RASGRP1: variants seen among roughly 807,000 people sequenced by gnomAD.
The protein encoded by RASGRP1 is RAS guanyl-releasing protein 1.
RASGRP1 carries 37 observed loss-of-function variants against 95.1 expected under a neutral mutation model. That is an observed-to-expected ratio of 0.39 (90% confidence interval 0.30 to 0.51). The LOEUF (loss-of-function observed/expected upper bound fraction) is 0.51. RASGRP1 is among the 20% of genes least tolerant of loss of function. The pLI is 0.80. For synonymous variants in RASGRP1, 325 were observed against 353.4 expected (o/e 0.92, Z 0.90); for missense variants, 711 against 965.4 (o/e 0.74, Z 3.49).
chr15:38,537,841 T>C (rs889633633), intron 2 of RASGRP1, among the ~76,000 whole-genome samples: 2 of 152,086 alleles, frequency 1.3e-5, no homozygotes, highest in Non-Finnish European at 2.9e-5. Context: ...ACAGAGGTGC[T>C]AGAGAGAAGT....
At chr15:38,499,247 C>T (rs555334898) in intron 14 of RASGRP1, 48 of 487,648 alleles carry the variant, frequency 9.8e-5, no homozygotes, top group East Asian at 3.6e-4. Context: ...GGAGACCCTC[C>T]GGAAACACTC....
Position 38,541,770 on chromosome 15 carries a change from T to C in RASGRP1, c.221-15366A>G, listed in dbSNP as rs138002826. On this transcript the variant is annotated intron_variant, in intron 2 of 16. Transcript: ENST00000310803. Reference sequence around the variant, plus strand: ...GAGCACTGTGATAGGTACTGTGGGATTGCAGATATAATAAGCACCCTGTCC... The same window carrying C: ...GAGCACTGTGATAGGTACTGTGGGACTGCAGATATAATAAGCACCCTGTCC... Among the ~76,000 whole-genome samples, 1,156 of 152,236 alleles carry C rather than the reference T, an allele frequency of 7.6e-3. 16 individuals carry two copies. The highest frequency in any genetic ancestry group is 0.026 in the African/African-American group (1,069 of 41,536).
In RASGRP1 at chr15:38,494,545, G is replaced by A; in HGVS notation, c.2096C>T (p.Ala699Val). The change falls in exon 16 of 17, where the codon GCC (alanine) becomes GTC (valine). Residue 699 changes from alanine (A) to valine (V), a missense_variant. Ala to Val is a moderately conservative substitution (Grantham distance 64, BLOSUM62 0). Coordinates refer to ENST00000310803, the MANE Select transcript of RASGRP1 (RefSeq NM_005739.4). ...GGGAAGCACATATAGAGTATCCTGG[G>A]CTGTCTTCCTTGGGGAAGACAGCAC... ...PFVLSSPRKTAQDTLYVLPSP... is the reference protein window; with the variant it reads ...PFVLSSPRKTVQDTLYVLPSP... The A allele has an allele frequency of 6.3e-7, 1 of 1,586,588 alleles. No homozygotes were observed. The highest frequency in any genetic ancestry group is 8.6e-7 in the Non-Finnish European group (1 of 1,165,926).
chr15:38,532,954 G>A (rs1024351357), intron 2 of RASGRP1, among the ~76,000 whole-genome samples: 1 of 152,096 alleles, frequency 6.6e-6, no homozygotes, highest in African/African-American at 2.4e-5. Flanking sequence ...AGAGGTGGGG[G>A]CCAGCTTTCC....
chr15:38,502,991 T>A (rs1239185817), intron 11 of RASGRP1: 2 of 473,794 alleles, frequency 4.2e-6, no homozygotes, highest in Non-Finnish European at 3.8e-6. Context: ...TATACTCAAA[T>A]GCATCCCAAT....
chr15:38,515,781 C>G (rs1270920725), intron 6 of RASGRP1, among the ~76,000 whole-genome samples: 2 of 150,444 alleles, frequency 1.3e-5, no homozygotes, highest in Admixed American at 6.6e-5. Flanking sequence ...CCCCCGCACC[C>G]CCCCCCCTTT....
intron 3 of RASGRP1, among the ~76,000 whole-genome samples, chr15:38,519,951 C>A (rs189132503): frequency 7.2e-5 from 11 of 152,116 alleles, no homozygotes; most frequent in African/African-American, 2.7e-4. Context: ...TAGATTGTAA[C>A]GGCAAGTCAG....
chr15:38,514,161 C>A (rs1287202421), intron 6 of RASGRP1, among the ~76,000 whole-genome samples: 1 of 152,042 alleles, frequency 6.6e-6, no homozygotes, highest in Non-Finnish European at 1.5e-5. Context: ...TTAGTTCTGC[C>A]TAAGTAGTAA....
chr15:38,543,204 C>A (rs1221034844), intron 2 of RASGRP1, among the ~76,000 whole-genome samples: 3 of 152,104 alleles, frequency 2.0e-5, no homozygotes, highest in African/African-American at 7.2e-5. Flanking sequence ...TTTGATTCAT[C>A]TCATTTTTTG....
At chr15:38,529,158 C>T (rs997956800) in intron 2 of RASGRP1, among the ~76,000 whole-genome samples, 1 of 152,188 alleles carries the variant, frequency 6.6e-6, no homozygotes, top group African/African-American at 2.4e-5. Context: ...ACTTAATCGA[C>T]CTCCTTGCTT....
At chr15:38,501,806 A>G (rs1479172415) in intron 12 of RASGRP1, among the ~76,000 whole-genome samples, 1 of 152,090 alleles carries the variant, frequency 6.6e-6, no homozygotes, top group East Asian at 1.9e-4. Flanking sequence ...TCTTATTTAT[A>G]GTTGACTATT....
At position 38,559,964 on chromosome 15, in the gene RASGRP1, A is replaced by C; in HGVS notation, c.77T>G (p.Leu26Arg). 6.2e-7 allele frequency: 1 copy of C among 1,613,506 alleles called. No homozygotes were observed. The highest frequency in any genetic ancestry group is 8.5e-7 in the Non-Finnish European group (1 of 1,179,722). Residue 26 changes from leucine to arginine, a missense_variant, in exon 2 of 17, where the codon CTA becomes CGA. Physicochemically the swap from Leu to Arg is moderately radical, Grantham distance 102 (BLOSUM62 -2). This residue lies in a region of RASGRP1 where 491 missense variants were observed against 676.6 expected (regional missense o/e 0.73). Coordinates refer to ENST00000310803, the MANE Select transcript of RASGRP1 (RefSeq NM_005739.4). ...GGGGCTGTTGGCTGGCTTTGCCTCT[A>C]GTCTTGCTTTAGAGGCAGCTCTGCA... ...HGCRAASKAR[L>R]EAKPANSPFP... is the part of the protein sequence containing the mutation.
intron 16 of RASGRP1, among the ~76,000 whole-genome samples, chr15:38,491,685 A>G (rs535427708): frequency 6.6e-6 from 1 of 152,210 alleles, no homozygotes; most frequent in Non-Finnish European, 1.5e-5. Flanking sequence ...AATTACACAT[A>G]GACTAGTCAT....
intron 2 of RASGRP1, among the ~76,000 whole-genome samples, chr15:38,535,824 G>T (rs1892620837): frequency 6.6e-6 from 1 of 152,224 alleles, no homozygotes; most frequent in Non-Finnish European, 1.5e-5. Context: ...AAGACAGCTG[G>T]CCTTCCTTGG....
intron 3 of RASGRP1, among the ~76,000 whole-genome samples, chr15:38,526,025 TA>T (rs1334471756): frequency 1.3e-5 from 2 of 152,084 alleles, no homozygotes; most frequent in African/African-American, 4.8e-5. Flanking sequence ...ACAGAAAAAA[TA>T]TTTTTTACTA....
intron 2 of RASGRP1, among the ~76,000 whole-genome samples, chr15:38,551,546 A>C (rs972565173): frequency 1.1e-4 from 16 of 152,210 alleles, no homozygotes; most frequent in African/African-American, 3.6e-4. Flanking sequence ...GGTTAAGTAA[A>C]ACTGATTAAA....
rs549698604 is a variant in RASGRP1, at chr15:38,542,600, G to A, written c.221-16196C>T. On this transcript the variant is annotated intron_variant, in intron 2 of 16. Coordinates refer to ENST00000310803, the MANE Select transcript of RASGRP1 (RefSeq NM_005739.4). ...TCAGAAATCGGCAGTGAAGTCTTTC[G>A]CCTGTTCTCAGGGCAACATGCAAGG... 1.9e-4 allele frequency among the ~76,000 whole-genome samples: 29 copies of A among 150,832 alleles called. 1 individual carries two copies. The South Asian group carries it at 4.6e-3, about 24-fold the overall frequency.
chr15:38,548,498 G>T lies in RASGRP1; in HGVS notation c.220+11323C>A, dbSNP rs895403400. Among the ~76,000 whole-genome samples, 6 of 152,204 alleles carry T rather than the reference G, an allele frequency of 3.9e-5. No homozygotes were observed. The South Asian group carries it at 1.0e-3, about 26-fold the overall frequency. On this transcript the variant is annotated intron_variant, in intron 2 of 16. Transcript: ENST00000310803. ...CTGAGGTGAAAGGATCACTTGAGCT[G>T]GGAAGGCAGAGACTGCAGTGAGCCA...
At chr15:38,513,059 G>A (rs1268748497) in intron 6 of RASGRP1, 103 bp from the exon 7 acceptor site, 4 of 1,207,518 alleles carry the variant, frequency 3.3e-6, no homozygotes, top group Non-Finnish European at 4.4e-6. Flanking sequence ...GTTGATGGCT[G>A]GGAACTGCCA....
Sources: allele counts gnomAD v4.1 joint callset (sites outside exome capture counted in the v4.1 genomes callset), GRCh38; gene constraint gnomAD v4.1.1; regional missense constraint gnomAD v4.1.1; transcripts MANE v1.5; gene names NCBI Gene and HGNC (gene_info 2026-07-23, HGNC 2026-07-21).